CNTNAP2: variants seen among roughly 807,000 people sequenced by gnomAD.
The protein encoded by CNTNAP2 is contactin-associated protein-like 2.
CNTNAP2 carries 98 observed loss-of-function variants against 155.2 expected under a neutral mutation model. The observed-to-expected ratio is 0.63, with a 90% CI of 0.54 to 0.75. The LOEUF is 0.75. CNTNAP2 is among the 30% of genes least tolerant of loss of function. The pLI, the probability that CNTNAP2 is intolerant of heterozygous loss-of-function variation, is 0.00. For synonymous variants in CNTNAP2, 651 were observed against 631.2 expected (o/e 1.03, Z -0.47); for missense variants, 1,727 against 1,688.1 (o/e 1.02, Z -0.40).
chr7:148,132,383 A>ATT (rs200853173), intron 16 of CNTNAP2, among the ~76,000 whole-genome samples: 1 of 142,064 alleles, frequency 7.0e-6, no homozygotes, highest in Non-Finnish European at 1.5e-5. Flanking sequence ...TAATTTTTTA[A>ATT]TTTTTTTTTT....
chr7:147,794,638 A>G (rs1797864375), intron 13 of CNTNAP2, among the ~76,000 whole-genome samples: 1 of 151,806 alleles, frequency 6.6e-6, no homozygotes, highest in Admixed American at 6.6e-5. Flanking sequence ...CATGAGGGTA[A>G]TAATAGCCTC....
At chr7:147,557,174 G>A (rs945790183) in intron 11 of CNTNAP2, among the ~76,000 whole-genome samples, 12 of 152,004 alleles carry the variant, frequency 7.9e-5, no homozygotes, top group African/African-American at 2.9e-4. Context: ...TAACGCAAGA[G>A]GATCGCTTGA....
chr7:146,467,438 A>AT (rs1407681435), intron 1 of CNTNAP2, among the ~76,000 whole-genome samples: 2 of 152,102 alleles, frequency 1.3e-5, no homozygotes. Context: ...TTTTCAGGTC[A>AT]TTTCTGATAA....
At chr7:147,578,394 T>C (rs569562126) in intron 12 of CNTNAP2, among the ~76,000 whole-genome samples, 2 of 152,268 alleles carry the variant, frequency 1.3e-5, no homozygotes, top group South Asian at 4.1e-4. Context: ...ATCTGGTTGC[T>C]GCAATGTCAT....
chr7:147,993,323 T>C (rs1335213786), intron 15 of CNTNAP2, among the ~76,000 whole-genome samples: 1 of 152,262 alleles, frequency 6.6e-6, no homozygotes, highest in African/African-American at 2.4e-5. Flanking sequence ...TTTTACTTTG[T>C]TACTTAGGTA....
Position 146,895,527 on chromosome 7 carries a change from AAACAT to A in CNTNAP2, c.402+55629_402+55633del, listed in dbSNP as rs150364619. Among the ~76,000 whole-genome samples the A allele has an allele frequency of 1.7e-4, 26 of 152,260 alleles. 1 individual carries two copies. In the East Asian group the frequency reaches 5.0e-3, roughly 29 times the overall value. On this transcript the variant is annotated intron_variant, in intron 3 of 23. Transcript: ENST00000361727. Reference sequence around the variant, plus strand: ...AAATTATGTGTATCTGTAGTTGTAAAAACATAACATTGAAACACCATATAAATTAA... The same window carrying A: ...AAATTATGTGTATCTGTAGTTGTAAAAACATTGAAACACCATATAAATTAA...
chr7:148,259,831 T>C (rs1421928979), intron 20 of CNTNAP2, among the ~76,000 whole-genome samples: 1 of 152,258 alleles, frequency 6.6e-6, no homozygotes, highest in Non-Finnish European at 1.5e-5. Flanking sequence ...CCTAAATCAG[T>C]ATGCTTCTAA....
chr7:146,541,620 T>A (rs906617587), intron 1 of CNTNAP2, among the ~76,000 whole-genome samples: 1 of 151,904 alleles, frequency 6.6e-6, no homozygotes, highest in East Asian at 1.9e-4. Context: ...TTACTGCAAA[T>A]GTCAGACCTT....
At chr7:146,369,565 A>G (rs1351006772) in intron 1 of CNTNAP2, among the ~76,000 whole-genome samples, 4 of 152,190 alleles carry the variant, frequency 2.6e-5, no homozygotes, top group Non-Finnish European at 4.4e-5. Flanking sequence ...TATAAAATGT[A>G]TAACAGAAAG....
At chr7:146,877,162 A>C (rs1795445447) in intron 3 of CNTNAP2, among the ~76,000 whole-genome samples, 2 of 152,152 alleles carry the variant, frequency 1.3e-5, no homozygotes, top group South Asian at 4.1e-4. Context: ...AAGAACATAC[A>C]AGTTAATGAA....
intron 3 of CNTNAP2, among the ~76,000 whole-genome samples, chr7:146,868,432 G>T (rs1795244994): frequency 6.6e-6 from 1 of 152,124 alleles, no homozygotes; most frequent in Admixed American, 6.6e-5. Flanking sequence ...TTGTAGTATA[G>T]TTTAAAGTTG....
chr7:146,899,376 C>A (rs1188711235), intron 3 of CNTNAP2, among the ~76,000 whole-genome samples: 1 of 152,106 alleles, frequency 6.6e-6, no homozygotes, highest in Non-Finnish European at 1.5e-5. Context: ...TCATTCCTGT[C>A]CTCAGCACAT....
intron 1 of CNTNAP2, among the ~76,000 whole-genome samples, chr7:146,756,128 C>T (rs1245535432): frequency 6.6e-6 from 1 of 151,824 alleles, no homozygotes; most frequent in African/African-American, 2.4e-5. Flanking sequence ...CGTTGGTTTA[C>T]ATGAATGCCT....
chr7:147,717,432 T>A (rs1796497640), intron 13 of CNTNAP2, among the ~76,000 whole-genome samples: 1 of 152,104 alleles, frequency 6.6e-6, no homozygotes, highest in South Asian at 2.1e-4. Context: ...AATTTGACTT[T>A]GAGTTAGGCA....
chr7:147,856,881 A>T (rs1392564699), intron 13 of CNTNAP2, among the ~76,000 whole-genome samples: 1 of 152,152 alleles, frequency 6.6e-6, no homozygotes, highest in Non-Finnish European at 1.5e-5. Flanking sequence ...AAGTCTACAG[A>T]TTTGAGTGTA....
chr7:146,663,572 G>A (rs906085076), intron 1 of CNTNAP2, among the ~76,000 whole-genome samples: 1 of 151,662 alleles, frequency 6.6e-6, no homozygotes, highest in Admixed American at 6.6e-5. Context: ...TTTATGTTTT[G>A]CATTTTTAAG....
intron 1 of CNTNAP2, among the ~76,000 whole-genome samples, chr7:146,475,694 C>G (rs539810903): frequency 6.6e-6 from 1 of 152,054 alleles, no homozygotes; most frequent in South Asian, 2.1e-4. Flanking sequence ...TGACAAGAGC[C>G]TATATCACAA....
chr7:148,398,801 C>T (rs1021513463), intron 22 of CNTNAP2, among the ~76,000 whole-genome samples: 3 of 152,152 alleles, frequency 2.0e-5, no homozygotes, highest in African/African-American at 4.8e-5. Context: ...GACAATAGAT[C>T]CAGGGTCTCC....
intron 1 of CNTNAP2, among the ~76,000 whole-genome samples, chr7:146,349,202 GAAAT>G (rs1178255610): frequency 6.6e-6 from 1 of 152,138 alleles, no homozygotes; most frequent in Non-Finnish European, 1.5e-5. Flanking sequence ...CTATTCGCCA[GAAAT>G]AAATCACAAG....
Sources: gnomAD v4.1 joint callset for allele counts (sites outside exome capture counted in the v4.1 genomes callset) on GRCh38, gnomAD v4.1.1 for gene constraint, MANE v1.5 for transcripts, NCBI Gene and HGNC (gene_info 2026-07-23, HGNC 2026-07-21) for gene names.